ZNF273: variants seen among roughly 807,000 people sequenced by gnomAD.
The protein encoded by ZNF273 is zinc finger protein 273.
In ZNF273, 11 loss-of-function variants were observed where a neutral mutation model predicts 14.9. That is an observed-to-expected ratio of 0.74 (90% CI 0.46 to 1.22). The LOEUF (loss-of-function observed/expected upper bound fraction) is 1.22, where lower values mean the gene tolerates loss of function less well. Among genes scored for constraint, ZNF273 ranks in the 50% most tolerant of loss-of-function variants. The pLI is 0.00. For missense variants in ZNF273, 577 were observed against 660.6 expected, an observed-to-expected ratio of 0.87 and a Z score of 1.39; for synonymous variants, 199 against 223.9, an observed-to-expected ratio of 0.89 and a Z score of 0.99.
chr7:64,903,969 T>C (rs1792911243), intron 1 of ZNF273, among the ~76,000 whole-genome samples: 1 of 152,246 alleles, frequency 6.6e-6, no homozygotes, highest in East Asian at 1.9e-4. Flanking sequence ...TCTTAATTTG[T>C]AAATTCAGGG....
intron 3 of ZNF273, among the ~76,000 whole-genome samples, chr7:64,922,118 CTTTTT>C (rs199922439): frequency 1.4e-5 from 2 of 138,308 alleles, no homozygotes; most frequent in Non-Finnish European, 3.1e-5. Flanking sequence ...ATTCTATTTC[CTTTTT>C]TTTTTTTTTT....
intron 3 of ZNF273, among the ~76,000 whole-genome samples, chr7:64,918,819 A>G (rs1265061509): frequency 6.6e-6 from 1 of 151,778 alleles, no homozygotes; most frequent in African/African-American, 2.4e-5. Flanking sequence ...CTTTCCCTTC[A>G]GTGATTTTCC....
At chr7:64,925,068 C>T (rs921891853) in intron 3 of ZNF273, among the ~76,000 whole-genome samples, 9 of 152,278 alleles carry the variant, frequency 5.9e-5, no homozygotes, top group Admixed American at 5.9e-4. Context: ...TCCCAAAGTG[C>T]TGGGATTACA....
At chr7:64,912,826 G>GTTTTTTGTTGTTTTTTTTTTTGT in intron 1 of ZNF273, among the ~76,000 whole-genome samples, 1 of 36,568 alleles carries the variant, frequency 2.7e-5, no homozygotes, top group Non-Finnish European at 5.7e-5. Context: ...ATTCATTTTA[G>GTTTTTTGTTGTTTTTTTTTTTGT]TTTTTTTTTT....
downstream of ZNF273, among the ~76,000 whole-genome samples, chr7:64,892,543 T>C (rs1186610619): frequency 6.6e-6 from 1 of 152,146 alleles, no homozygotes; most frequent in Admixed American, 6.5e-5. Context: ...TACCCGAGAT[T>C]TGTTGCCTAA....
downstream of ZNF273, among the ~76,000 whole-genome samples, chr7:64,892,367 A>T (rs1054710054): frequency 6.6e-6 from 1 of 152,238 alleles, no homozygotes; most frequent in East Asian, 1.9e-4. Context: ...TGCTTGGCTC[A>T]TAGTTAGTGC....
intron 1 of ZNF273, among the ~76,000 whole-genome samples, chr7:64,903,755 TC>T (rs1481387750): frequency 3.9e-5 from 6 of 152,156 alleles, no homozygotes; most frequent in Admixed American, 2.6e-4. Flanking sequence ...TCCATGGGGT[TC>T]CCAGACCCTC....
upstream of ZNF273, among the ~76,000 whole-genome samples, chr7:64,901,072 G>A (rs904914564): frequency 1.3e-5 from 2 of 151,152 alleles, no homozygotes; most frequent in Non-Finnish European, 2.9e-5. Context: ...GCTCCATCTC[G>A]GCTCATTGCA....
intron 1 of ZNF273, among the ~76,000 whole-genome samples, chr7:64,887,199 G>A (rs1293340562): frequency 6.6e-6 from 1 of 152,242 alleles, no homozygotes; most frequent in African/African-American, 2.4e-5. Flanking sequence ...ATGAAGTGGA[G>A]GCCATGCTGT....
At chr7:64,914,548 G>T (rs1793816544) in intron 1 of ZNF273, among the ~76,000 whole-genome samples, 1 of 152,098 alleles carries the variant, frequency 6.6e-6, no homozygotes, top group Non-Finnish European at 1.5e-5. Flanking sequence ...TGTACTAAAG[G>T]GTGGTCACAG....
downstream of ZNF273, among the ~76,000 whole-genome samples, chr7:64,934,059 T>C (rs919306946): frequency 2.0e-5 from 3 of 152,202 alleles, no homozygotes; most frequent in African/African-American, 7.2e-5. Flanking sequence ...TATGCCTGGC[T>C]AATTTTTGTA....
intron 1 of ZNF273, among the ~76,000 whole-genome samples, chr7:64,910,770 T>A (rs866709606): frequency 5.3e-5 from 8 of 151,308 alleles, no homozygotes; most frequent in African/African-American, 1.9e-4. Context: ...TAATTTATTT[T>A]TTTTTTTTTT....
rs752480236 is a variant in ZNF273, at chr7:64,917,568, G to A, written c.103-13G>A. 6.3e-7 allele frequency: 1 copy of A among 1,589,948 alleles called. No homozygotes were observed. The highest frequency in any genetic ancestry group is 1.1e-5 in the South Asian group (1 of 90,874). On this transcript the variant is annotated splice_polypyrimidine_tract_variant and intron_variant, in intron 1 of 3. Coordinates refer to ENST00000476120, the MANE Select transcript of ZNF273 (RefSeq NM_021148.3). ...AGTTGGTAAATATGTTTTTGTGTGT[G>A]TGTGTTTTTCAGGGACCACTGACAT...
At chr7:64,925,280 G>A (rs963095941) in intron 3 of ZNF273, among the ~76,000 whole-genome samples, 6 of 151,740 alleles carry the variant, frequency 4.0e-5, no homozygotes, top group African/African-American at 1.5e-4. Context: ...GTGTCTTTGC[G>A]ATTTTTGTAT....
downstream of ZNF273, chr7:64,880,309 C>G (rs1057122948): frequency 1.3e-5 from 2 of 152,228 alleles, no homozygotes; most frequent in African/African-American, 4.8e-5. Flanking sequence ...TCAGGCATGC[C>G]TAGACGGAGT....
At chr7:64,916,369 G>GC (rs762863213) in intron 1 of ZNF273, among the ~76,000 whole-genome samples, 6,137 of 135,034 alleles carry the variant, frequency 0.045, 499 homozygotes, top group African/African-American at 0.15. Context: ...TACTAAAAAT[G>GC]TAAAAAAAAA....
Position 64,928,498 on chromosome 7 carries a change from T to G in ZNF273, c.1170T>G (p.Thr390=). ...GKAFNQSSTL[T]RHKIVHTGEK... ...CTTTTAACCAGTCCTCAACCCTTACTAGACATAAGATAGTTCATACTGGAG... is the reference window on the plus strand; with the variant it reads ...CTTTTAACCAGTCCTCAACCCTTACGAGACATAAGATAGTTCATACTGGAG... Residue 390 remains threonine (T), a synonymous_variant, in exon 4 of 4, where the codon ACT becomes ACG. Transcript: ENST00000476120. The G allele has an allele frequency of 9.3e-6, 15 of 1,613,824 alleles. No homozygotes were observed. The highest frequency in any genetic ancestry group is 1.3e-5 in the Non-Finnish European group (15 of 1,179,928).
Position 64,929,259 on chromosome 7 carries a change from T to C in ZNF273, c.*221T>C, listed in dbSNP as rs759039121. On this transcript the variant is annotated 3_prime_UTR_variant, in exon 4 of 4. Transcript: ENST00000476120. ...TTAATAAAAGCATTATCAATGAAAT[T>C]ACTGTCAAAAGATCTTTCAGACAAT... 1 of 335,320 alleles carries C rather than the reference T, an allele frequency of 3.0e-6. No homozygotes were observed. Among genetic ancestry groups the C allele is most frequent in the Non-Finnish European group, 5.4e-6 (1 of 186,772 alleles). The allele number at this position is 335,320 out of a possible 1,614,324, so 20.8% of individuals were successfully genotyped here.
intron 1 of ZNF273, among the ~76,000 whole-genome samples, chr7:64,903,702 C>T (rs1308941517): frequency 2.6e-5 from 4 of 152,226 alleles, no homozygotes; most frequent in African/African-American, 9.6e-5. Context: ...CATCTCTCCT[C>T]GATGACTCGG....
Sources: gnomAD v4.1 joint callset for allele counts (sites outside exome capture counted in the v4.1 genomes callset) on GRCh38, gnomAD v4.1.1 for gene constraint, MANE v1.5 for transcripts, NCBI Gene and HGNC (gene_info 2026-07-23, HGNC 2026-07-21) for gene names.